The following RERG variants were observed in gnomAD, a reference collection of about 807,000 sequenced individuals.
RERG encodes the protein RAS like estrogen regulated growth inhibitor, also known as ras-related and estrogen-regulated growth inhibitor.
Under a neutral mutation model 23.2 loss-of-function variants are expected in RERG, and 25 were observed. The observed-to-expected ratio is 1.08, with a 90% CI of 0.79 to 1.50. The LOEUF (loss-of-function observed/expected upper bound fraction) is 1.50. RERG is among the 40% of genes most tolerant of loss of function. The probability of loss-of-function intolerance (pLI) is 0.00; values close to 1 mark genes in which losing one functional copy is unlikely to be tolerated. For synonymous variants in RERG, 81 were observed against 89.1 expected (o/e 0.91, Z 0.51); for missense variants, 253 against 250.1 (o/e 1.01, Z -0.08).
chr12:15,213,093 T>C (rs1421197427), intron 2 of RERG, among the ~76,000 whole-genome samples: 2 of 152,214 alleles, frequency 1.3e-5, no homozygotes, highest in South Asian at 2.1e-4. Context: ...AATTACAGGA[T>C]AGCATTACTC....
At chr12:15,173,175 A>G (rs573360082) in intron 2 of RERG, among the ~76,000 whole-genome samples, 1 of 152,168 alleles carries the variant, frequency 6.6e-6, no homozygotes, top group South Asian at 2.1e-4. Context: ...TACAGGTCCA[A>G]CTTCATTCTT....
At chr12:15,170,001 A>G (rs1226412846) in intron 2 of RERG, among the ~76,000 whole-genome samples, 2 of 150,694 alleles carry the variant, frequency 1.3e-5, no homozygotes, top group Non-Finnish European at 3.0e-5. Flanking sequence ...GAGTTTGGGA[A>G]GACCAGATGA....
intron 2 of RERG, among the ~76,000 whole-genome samples, chr12:15,213,044 A>C (rs538049159): frequency 2.9e-4 from 44 of 152,336 alleles, no homozygotes; most frequent in African/African-American, 1.1e-3. Flanking sequence ...GAGTCTATGA[A>C]CTTAAGCCTT....
In RERG at chr12:15,219,460, A is replaced by G. The variant is rs556382152; in HGVS notation, c.-115+1735T>C. The stretch of plus-strand genomic sequence containing the variant: ...TTTACTTCATCCTCAATAATGACAA[A>G]GTGTCTAAGTAATCATTATTAGCAA... On this transcript the variant is annotated intron_variant, in intron 1 of 4. Coordinates refer to ENST00000256953, the MANE Select transcript of RERG (RefSeq NM_032918.3). 3.3e-5 allele frequency among the ~76,000 whole-genome samples: 5 copies of G among 152,352 alleles called. No individual in the cohort carries two copies. In the South Asian group the frequency reaches 1.0e-3, roughly 32 times the overall value.
At chr12:15,217,331 G>T (rs1565540864) in intron 2 of RERG, 98 bp downstream of exon 2, 11 of 777,952 alleles carry the variant, frequency 1.4e-5, no homozygotes, top group Non-Finnish European at 2.3e-5. Flanking sequence ...AAAATAGGAG[G>T]AATACCAACT....
chr12:15,111,504 G>T, intron 3 of RERG, 87 bp from the exon 4 acceptor site: 1 of 1,020,612 alleles, frequency 9.8e-7, no homozygotes, highest in Non-Finnish European at 1.5e-6. Flanking sequence ...GGGCATGGGA[G>T]AAGTATTCCT....
chr12:15,123,184 A>G (rs762381539), intron 2 of RERG, among the ~76,000 whole-genome samples: 1 of 152,196 alleles, frequency 6.6e-6, no homozygotes, highest in Non-Finnish European at 1.5e-5. Context: ...TTTTTACATG[A>G]GCGAAGTTTA....
At position 15,139,014 on chromosome 12, in the gene RERG, C is replaced by CTTTTTTTTT. The variant is rs34755371; in HGVS notation, c.62-17904_62-17896dup. Among the ~76,000 whole-genome samples the CTTTTTTTTT allele has an allele frequency of 3.0e-3, 151 of 51,106 alleles. 3 individuals carry two copies. Among genetic ancestry groups the CTTTTTTTTT allele is most frequent in the Non-Finnish European group, 3.7e-3 (101 of 27,208 alleles). 33.5% of individuals were successfully genotyped at this position (51,106 alleles called of 152,430 possible). ...TGAAAGTTGTTCACCTGTGTCTAGA[C>CTTTTTTTTT]TTTTTTTTTTTTTTTTTTTTTTGCC... On this transcript the variant is annotated intron_variant, in intron 2 of 4. Coordinates refer to ENST00000256953, the MANE Select transcript of RERG (RefSeq NM_032918.3).
At position 15,163,406 on chromosome 12, in the gene RERG, T is replaced by G. The variant is rs567439388; in HGVS notation, c.62-42287A>C. ...CAAAGGAACAATGACCCAAAAGAAC[T>G]AAGATTCGACATGAATGTGAAGAAT... On this transcript the variant is annotated intron_variant, in intron 2 of 4. Coordinates refer to ENST00000256953, the MANE Select transcript of RERG (RefSeq NM_032918.3). Among the ~76,000 whole-genome samples, 3 of 152,218 alleles carry G rather than the reference T, an allele frequency of 2.0e-5. 1 individual carries two copies. The highest frequency in any genetic ancestry group is 7.2e-5 in the African/African-American group (3 of 41,530).
chr12:15,109,449 A>T lies in RERG; in HGVS notation c.261T>A (p.Thr87=). The T allele has an allele frequency of 6.2e-7, 1 of 1,614,028 alleles. No individual in the cohort carries two copies. Among genetic ancestry groups the T allele is most frequent in the Non-Finnish European group, 8.5e-7 (1 of 1,179,970 alleles). ...GEGFVLVYDI[T]DRGSFEEVLP... is the part of the protein sequence containing the mutation. Reference sequence around the variant, plus strand: ...GCACTTCCTCAAAACTTCCTCGGTCAGTAATGTCGTAGACCAGCACAAAGC... The same window carrying T: ...GCACTTCCTCAAAACTTCCTCGGTCTGTAATGTCGTAGACCAGCACAAAGC... The change falls in exon 5 of 5, where the codon ACT becomes ACA. Residue 87 remains threonine, a synonymous_variant. Transcript: ENST00000256953.
At chr12:15,130,877 T>C (rs1864033830) in intron 2 of RERG, among the ~76,000 whole-genome samples, 1 of 152,170 alleles carries the variant, frequency 6.6e-6, no homozygotes, top group Non-Finnish European at 1.5e-5. Flanking sequence ...AAATCTAGCC[T>C]GGGAGTCTAG....
intron 2 of RERG, among the ~76,000 whole-genome samples, chr12:15,143,426 AATAC>A (rs1358843614): frequency 2.0e-5 from 3 of 148,184 alleles, no homozygotes; most frequent in Admixed American, 6.6e-5. Flanking sequence ...CATATGTAAT[AATAC>A]ATACATATTA....
intron 2 of RERG, among the ~76,000 whole-genome samples, chr12:15,215,153 AT>A (rs1315624764): frequency 5.9e-5 from 9 of 152,236 alleles, no homozygotes; most frequent in Non-Finnish European, 1.3e-4. Context: ...GAAGATTTGA[AT>A]GTTAGAGTTG....
At chr12:15,115,292 A>C (rs1196509237) in intron 3 of RERG, among the ~76,000 whole-genome samples, 1 of 152,192 alleles carries the variant, frequency 6.6e-6, no homozygotes, top group Admixed American at 6.5e-5. Context: ...TCCATTTTAC[A>C]AGAGGAAACT....
chr12:15,109,012 G>T lies in RERG; in HGVS notation c.*98C>A. On this transcript the variant is annotated 3_prime_UTR_variant, in exon 5 of 5. Coordinates refer to ENST00000256953, the MANE Select transcript of RERG (RefSeq NM_032918.3). Reference sequence around the variant, plus strand: ...CAATGGGAAGCCCAGACATTTCTCAGAATCCAAACAAAGAATGCAATATTT... The same window carrying T: ...CAATGGGAAGCCCAGACATTTCTCATAATCCAAACAAAGAATGCAATATTT... The T allele has an allele frequency of 1.6e-6, 2 of 1,244,528 alleles. No individual in the cohort carries two copies. Among genetic ancestry groups the T allele is most frequent in the Non-Finnish European group, 2.2e-6 (2 of 894,966 alleles). The allele number at this position is 1,244,528 out of a possible 1,614,324, so 77.1% of individuals were successfully genotyped here.
rs769656023 is a variant in RERG at position 15,109,201 on chromosome 12, C to T, written c.509G>A (p.Arg170Gln). The change falls in exon 5 of 5, where the codon CGG becomes CAG. Residue 170 changes from arginine to glutamine, a missense_variant. By Grantham distance (43) the Arg-to-Gln change is conservative (BLOSUM62 1). Coordinates refer to ENST00000256953, the MANE Select transcript of RERG (RefSeq NM_032918.3). ...FYELCREVRR[R>Q]RMVQGKTRRR... ...CCTCGTCTTGCCCTGCACCATCCTCCGGCGACGCACCTCTCGACACAATTC... is the reference window on the plus strand; with the variant it reads ...CCTCGTCTTGCCCTGCACCATCCTCTGGCGACGCACCTCTCGACACAATTC... 5.6e-6 allele frequency: 9 copies of T among 1,613,796 alleles called. No individual in the cohort carries two copies. Among genetic ancestry groups the T allele is most frequent in the Non-Finnish European group, 7.6e-6 (9 of 1,179,928 alleles).
intron 2 of RERG, among the ~76,000 whole-genome samples, chr12:15,158,958 T>A (rs917363431): frequency 6.6e-6 from 1 of 152,240 alleles, no homozygotes; most frequent in Non-Finnish European, 1.5e-5. Context: ...ATTCTGAAAC[T>A]ATGTAAATAT....
chr12:15,201,682 C>A (rs1415692498), intron 2 of RERG, among the ~76,000 whole-genome samples: 1 of 149,154 alleles, frequency 6.7e-6, no homozygotes, highest in African/African-American at 2.4e-5. Flanking sequence ...AATTAACAAT[C>A]ATAATAATTA....
chr12:15,156,994 C>T (rs377195729), intron 2 of RERG, among the ~76,000 whole-genome samples: 3 of 152,176 alleles, frequency 2.0e-5, no homozygotes, highest in Non-Finnish European at 4.4e-5. Context: ...GGATCCATTG[C>T]CCCTCTTGCA....
Sources: gnomAD v4.1 joint callset for allele counts (sites outside exome capture counted in the v4.1 genomes callset) on GRCh38, gnomAD v4.1.1 for gene constraint, MANE v1.5 for transcripts, NCBI Gene and HGNC (gene_info 2026-07-23, HGNC 2026-07-21) for gene names.